The following LSAMP variants were observed in gnomAD, a reference collection of about 807,000 sequenced individuals.
LSAMP encodes limbic system-associated membrane protein.
Under a neutral mutation model 38.6 loss-of-function variants are expected in LSAMP, and 7 were observed. That is an observed-to-expected ratio of 0.18 (90% confidence interval 0.10 to 0.34). The LOEUF (loss-of-function observed/expected upper bound fraction) is 0.34, where lower values mean the gene tolerates loss of function less well. Among genes scored for constraint, LSAMP ranks in the 10% least tolerant of loss-of-function variants. The pLI is 1.00. For synonymous variants in LSAMP, 154 were observed against 166.8 expected (o/e 0.92, Z 0.59); for missense variants, 313 against 420.0 (o/e 0.75, Z 2.23).
intron 1 of LSAMP, among the ~76,000 whole-genome samples, chr3:116,121,064 G>A (rs1708864403): frequency 6.6e-6 from 1 of 152,148 alleles, no homozygotes; most frequent in African/African-American, 2.4e-5. Flanking sequence ...GAGTTGAGAA[G>A]GTCCCAACAT....
intron 3 of LSAMP, among the ~76,000 whole-genome samples, chr3:115,904,136 G>T (rs1936951046): frequency 6.6e-6 from 1 of 152,038 alleles, no homozygotes; most frequent in South Asian, 2.1e-4. Flanking sequence ...AACAAATAAA[G>T]ATAGGAATTA....
chr3:116,232,982 A>G (rs1245016503), intron 1 of LSAMP, among the ~76,000 whole-genome samples: 1 of 152,058 alleles, frequency 6.6e-6, no homozygotes, highest in African/African-American at 2.4e-5. Flanking sequence ...AGCCTTTCTC[A>G]TATTTGTCAA....
chr3:116,163,288 A>C (rs1709945585), intron 1 of LSAMP, among the ~76,000 whole-genome samples: 1 of 133,150 alleles, frequency 7.5e-6, no homozygotes, highest in South Asian at 2.4e-4. Context: ...ATGTGTTCTC[A>C]TTGTTCAATT....
At chr3:116,222,187 T>C (rs2046293296) in intron 1 of LSAMP, among the ~76,000 whole-genome samples, 1 of 151,998 alleles carries the variant, frequency 6.6e-6, no homozygotes, top group Non-Finnish European at 1.5e-5. Context: ...CTGGGCGTGG[T>C]TCTTCATGTG....
At chr3:115,930,051 G>C (rs1050580765) in intron 3 of LSAMP, among the ~76,000 whole-genome samples, 3 of 110,498 alleles carry the variant, frequency 2.7e-5, no homozygotes, top group African/African-American at 1.0e-4. Flanking sequence ...GTCTTGTGAA[G>C]TATTGAAGCC....
At chr3:116,290,765 A>AATAATG (rs2047255751) in intron 1 of LSAMP, among the ~76,000 whole-genome samples, 1 of 147,216 alleles carries the variant, frequency 6.8e-6, no homozygotes, top group East Asian at 2.0e-4. Context: ...TAATAATAAT[A>AATAATG]ATAATAATAA....
chr3:116,133,251 C>A (rs1709174323), intron 1 of LSAMP, among the ~76,000 whole-genome samples: 1 of 149,458 alleles, frequency 6.7e-6, no homozygotes, highest in Admixed American at 6.7e-5. Context: ...CTTTTTTTTC[C>A]TTTTTTTTTT....
At position 116,163,433 on chromosome 3, in the gene LSAMP, C is replaced by T. The variant is rs1295296648; in HGVS notation, c.156-76877G>A. Among the ~76,000 whole-genome samples, 415 of 151,616 alleles carry T rather than the reference C, an allele frequency of 2.7e-3. 6 individuals are homozygous for T. In the East Asian group the frequency reaches 0.036, roughly 13 times the overall value. On this transcript the variant is annotated intron_variant, in intron 1 of 6. Coordinates refer to ENST00000490035, the MANE Select transcript of LSAMP (RefSeq NM_002338.5). Reference sequence around the variant, plus strand: ...TCATTTTTTATGGCTGCATAGTATTCCATGGTGTATATGTGCCACATTTTC... The same window carrying T: ...TCATTTTTTATGGCTGCATAGTATTTCATGGTGTATATGTGCCACATTTTC...
intron 1 of LSAMP, among the ~76,000 whole-genome samples, chr3:116,297,079 T>C (rs956733282): frequency 1.3e-5 from 2 of 152,222 alleles, no homozygotes; most frequent in Non-Finnish European, 2.9e-5. Flanking sequence ...GGACTGTGCT[T>C]CTTAATTTTC....
chr3:115,994,726 T>G (rs998663542), intron 3 of LSAMP, among the ~76,000 whole-genome samples: 2 of 152,106 alleles, frequency 1.3e-5, no homozygotes, highest in African/African-American at 4.8e-5. Context: ...TATACTAGAA[T>G]GAAAAATGAA....
At chr3:116,342,371 C>A (rs1372789588) in intron 1 of LSAMP, among the ~76,000 whole-genome samples, 4 of 152,010 alleles carry the variant, frequency 2.6e-5, no homozygotes, top group African/African-American at 7.2e-5. Flanking sequence ...TCTCTAGGAA[C>A]TTTCCTCTTC....
chr3:116,109,032 A>T lies in LSAMP; in HGVS notation c.156-22476T>A, dbSNP rs545546233. The stretch of plus-strand genomic sequence containing the variant: ...ATTGGGTAATAAAATGTATATTGAG[A>T]ATAAGACGGCCTTTTGACCTTTTAG... On this transcript the variant is annotated intron_variant, in intron 1 of 6. Transcript: ENST00000490035. 5.3e-5 allele frequency among the ~76,000 whole-genome samples: 8 copies of T among 152,218 alleles called. No homozygotes were observed. In the East Asian group the frequency reaches 1.5e-3, roughly 29 times the overall value.
chr3:116,274,577 G>A (rs2047021961), intron 1 of LSAMP, among the ~76,000 whole-genome samples: 1 of 152,120 alleles, frequency 6.6e-6, no homozygotes, highest in African/African-American at 2.4e-5. Flanking sequence ...TCTACAAGGT[G>A]CTGAACTAAG....
chr3:115,915,244 C>T (rs1937225579), intron 3 of LSAMP, among the ~76,000 whole-genome samples: 1 of 152,230 alleles, frequency 6.6e-6, no homozygotes. Context: ...CCATGCTATT[C>T]AAGATGGCTA....
chr3:116,306,102 T>G (rs186608301), intron 1 of LSAMP, among the ~76,000 whole-genome samples: 2 of 152,142 alleles, frequency 1.3e-5, no homozygotes, highest in Admixed American at 6.6e-5. Context: ...CCAGGAATTG[T>G]GCTAGACCCT....
chr3:116,211,814 C>G (rs1197893218), intron 1 of LSAMP, among the ~76,000 whole-genome samples: 1 of 152,178 alleles, frequency 6.6e-6, no homozygotes, highest in African/African-American at 2.4e-5. Context: ...AAACCTATAT[C>G]ATTTCTGGTC....
intron 1 of LSAMP, among the ~76,000 whole-genome samples, chr3:116,259,605 T>C (rs1180226652): frequency 6.6e-6 from 1 of 152,210 alleles, no homozygotes; most frequent in East Asian, 1.9e-4. Flanking sequence ...AATAATGATG[T>C]GCATGCAAGT....
At chr3:115,814,403 G>A (rs534556011) in intron 6 of LSAMP, among the ~76,000 whole-genome samples, 55 of 152,326 alleles carry the variant, frequency 3.6e-4, no homozygotes, top group African/African-American at 1.3e-3. Flanking sequence ...TGAGGGATAT[G>A]AGAATTTTTT....
intron 1 of LSAMP, among the ~76,000 whole-genome samples, chr3:116,187,454 A>T (rs1710646689): frequency 6.6e-6 from 1 of 152,170 alleles, no homozygotes; most frequent in Non-Finnish European, 1.5e-5. Flanking sequence ...GCAGCCTTTT[A>T]TTCCTTGTTT....
Sources: gnomAD v4.1 joint callset for allele counts (sites outside exome capture counted in the v4.1 genomes callset) on GRCh38, gnomAD v4.1.1 for gene constraint, MANE v1.5 for transcripts, NCBI Gene and HGNC (gene_info 2026-07-23, HGNC 2026-07-21) for gene names.